The following MYO10 variants were observed in gnomAD, a reference collection of about 807,000 sequenced individuals.
MYO10 encodes the protein myosin X, also known as unconventional myosin-X.
MYO10 carries 133 observed loss-of-function variants against 257.3 expected under a neutral mutation model. The ratio of observed to expected loss-of-function variants is 0.52; its 90% CI spans 0.45 to 0.60. MYO10 has a LOEUF of 0.60. Ranked by LOEUF, MYO10 falls within the 20% of genes least tolerant of loss-of-function variation. MYO10 has a pLI of 0.00. For synonymous variants in MYO10, 1,104 were observed against 1,028.6 expected, an observed-to-expected ratio of 1.07 and a Z score of -1.40; for missense variants, 2,399 against 2,635.7, an observed-to-expected ratio of 0.91 and a Z score of 1.97.
At chr5:16,791,237 C>G (rs1741747445) in intron 4 of MYO10, among the ~76,000 whole-genome samples, 2 of 152,120 alleles carry the variant, frequency 1.3e-5, no homozygotes, top group South Asian at 4.1e-4. Context: ...GCAGATCATG[C>G]CCAAGGAAAT....
At chr5:16,748,379 G>A (rs1740274234) in intron 19 of MYO10, among the ~76,000 whole-genome samples, 1 of 152,100 alleles carries the variant, frequency 6.6e-6, no homozygotes, top group African/African-American at 2.4e-5. Context: ...CAAGTAGCTG[G>A]GGTTACAGGT....
intron 19 of MYO10, among the ~76,000 whole-genome samples, chr5:16,736,604 A>C (rs1331764126): frequency 6.6e-6 from 1 of 152,210 alleles, no homozygotes; most frequent in Non-Finnish European, 1.5e-5. Flanking sequence ...CTCTGATTAA[A>C]AGCCTCTAAG....
chr5:16,753,675 T>C (rs1740448207), intron 19 of MYO10, among the ~76,000 whole-genome samples: 1 of 150,066 alleles, frequency 6.7e-6, no homozygotes. Context: ...TTCACCATGT[T>C]GGCCAGGCTG....
intron 1 of MYO10, chr5:16,902,632 T>C (rs1745414736): frequency 1.4e-6 from 2 of 1,467,820 alleles, no homozygotes; most frequent in Non-Finnish European, 1.9e-6. Flanking sequence ...TTCCTTCTTT[T>C]CTTTGTCATC....
intron 1 of MYO10, among the ~76,000 whole-genome samples, chr5:16,914,179 C>T (rs1458103152): frequency 6.6e-6 from 1 of 152,158 alleles, no homozygotes; most frequent in African/African-American, 2.4e-5. Context: ...ACAGTACCTA[C>T]GGGAAGCTGG....
At chr5:16,784,179 C>G (rs1741505645) in intron 4 of MYO10, among the ~76,000 whole-genome samples, 1 of 152,148 alleles carries the variant, frequency 6.6e-6, no homozygotes, top group African/African-American at 2.4e-5. Context: ...ATGAGTCAGG[C>G]CAAGAAAGCA....
intron 15 of MYO10, 99 bp from the exon 16 acceptor site, chr5:16,762,212 A>G: frequency 7.2e-7 from 1 of 1,383,108 alleles, no homozygotes. Context: ...AAAGACAGTG[A>G]AAATCATTTC....
At chr5:16,826,906 T>C (rs990661998) in intron 2 of MYO10, among the ~76,000 whole-genome samples, 1 of 152,228 alleles carries the variant, frequency 6.6e-6, no homozygotes, top group East Asian at 1.9e-4. Context: ...AACGAGCTTA[T>C]GTTCAGCTTC....
In MYO10 at chr5:16,699,536, T is replaced by C. The variant is rs1737927166; in HGVS notation, c.3470A>G (p.Asp1157Gly). ...CCGGTATGAAAGCTCATCATCTGTATCAAACCTGGAATCAAAGTCCTCTTC... is the reference window on the plus strand; with the variant it reads ...CCGGTATGAAAGCTCATCATCTGTACCAAACCTGGAATCAAAGTCCTCTTC... ...DSEEDFDSRF[D>G]TDDELSYRRD... The change falls in exon 26 of 41, where the codon GAT becomes GGT. Residue 1157 changes from aspartate (D) to glycine (G), a missense_variant. Asp to Gly is a moderately conservative substitution (Grantham distance 94). Around this residue, in one of 3 missense-constraint regions of MYO10, gnomAD observed 1,820 missense variants for 1,939.4 expected, o/e 0.94. Transcript: ENST00000513610. The C allele has an allele frequency of 1.2e-6, 2 of 1,613,286 alleles. No homozygotes were observed. The highest frequency in any genetic ancestry group is 2.2e-5 in the East Asian group (1 of 44,868).
intron 2 of MYO10, among the ~76,000 whole-genome samples, chr5:16,868,292 G>C (rs1744343314): frequency 6.6e-6 from 1 of 152,192 alleles, no homozygotes; most frequent in Non-Finnish European, 1.5e-5. Context: ...ATCACCTGCA[G>C]AACCATGGTG....
rs1736013366 is a variant in MYO10, at chr5:16,662,316, A to ATTTTTTTTTTTTTTTTTTTTGTT, written c.*4375_*4376insAACAAAAAAAAAAAAAAAAAAAA. ...AAGTGCTGTCTTAGATTTCTGAACT[A>ATTTTTTTTTTTTTTTTTTTTGTT]TTTTTTTTTTTTTTTTTTTTTTTTG... On this transcript the variant is annotated 3_prime_UTR_variant, in exon 41 of 41. Transcript: ENST00000513610. 1.3e-5 allele frequency: 1 copy of ATTTTTTTTTTTTTTTTTTTTGTT among 75,816 alleles called. No individual in the cohort carries two copies. The highest frequency in any genetic ancestry group is 2.4e-5 in the Non-Finnish European group (1 of 42,540). 4.7% of individuals were successfully genotyped at this position (75,816 alleles called of 1,614,324 possible). A position where few individuals can be genotyped will look rare whatever the true frequency, so the allele number is the denominator to read the frequency against.
chr5:16,883,246 C>T (rs1056371586), intron 1 of MYO10, among the ~76,000 whole-genome samples: 2 of 152,114 alleles, frequency 1.3e-5, no homozygotes, highest in Non-Finnish European at 2.9e-5. Flanking sequence ...TCCCAGCCTA[C>T]GTATTTCTCA....
chr5:16,792,212 A>G (rs949568715), intron 4 of MYO10, among the ~76,000 whole-genome samples: 1 of 149,546 alleles, frequency 6.7e-6, no homozygotes, highest in African/African-American at 2.4e-5. Flanking sequence ...AGCTGTTCAT[A>G]TACATGTAAT....
intron 9 of MYO10, among the ~76,000 whole-genome samples, chr5:16,774,902 G>A (rs1316057126): frequency 2.0e-5 from 3 of 152,110 alleles, no homozygotes; most frequent in East Asian, 3.9e-4. Context: ...ATGAATTCAC[G>A]CATGCGTACA....
intron 33 of MYO10, 91 bp downstream of exon 33, chr5:16,679,856 A>G (rs1736905798): frequency 2.0e-6 from 3 of 1,471,470 alleles, no homozygotes; most frequent in Non-Finnish European, 2.7e-6. Flanking sequence ...CAGAAAAAAA[A>G]CTGAGCTTCA....
intron 26 of MYO10, among the ~76,000 whole-genome samples, chr5:16,696,085 G>T (rs1023620368): frequency 2.0e-4 from 30 of 152,336 alleles, no homozygotes; most frequent in Non-Finnish European, 4.1e-4. Flanking sequence ...AAATGATAAA[G>T]CTTATTCACA....
rs1268148724 is a variant in MYO10, at chr5:16,672,951, TG to T, written c.5173-127del. 6.0e-5 allele frequency: 64 copies of T among 1,069,780 alleles called. No individual in the cohort carries two copies. The Admixed American group carries it at 7.5e-4, about 13-fold the overall frequency. 66.3% of individuals were successfully genotyped at this position (1,069,780 alleles called of 1,614,324 possible). A position where few individuals can be genotyped will look rare whatever the true frequency, so the allele number is the denominator to read the frequency against. ...AAGGGCGTCTCCAGCCTCCTAAAAA[TG>T]TTACCCGTGTGGTCATCCCAGAATT... On this transcript the variant is annotated intron_variant, in intron 36 of 40. Transcript: ENST00000513610.
At position 16,683,990 on chromosome 5, in the gene MYO10, A is replaced by T. The variant is rs1216229831; in HGVS notation, c.3991-55T>A. The T allele has an allele frequency of 7.3e-6, 11 of 1,515,836 alleles. No homozygotes were observed. In the South Asian group the frequency reaches 1.2e-4, roughly 16 times the overall value. 93.9% of individuals were successfully genotyped at this position (1,515,836 alleles called of 1,614,324 possible). ...AGAGAAGCACTAAAGTAGGGTGCAC[A>T]CTACAGTAATACCTCTAGCCCACAA... On this transcript the variant is annotated intron_variant, in intron 29 of 40. Transcript: ENST00000513610.
At chr5:16,671,057 T>G in intron 38 of MYO10, 79 bp from the exon 39 acceptor site, 1 of 1,266,334 alleles carries the variant, frequency 7.9e-7, no homozygotes, top group Non-Finnish European at 1.1e-6. Context: ...CTCCCTCACT[T>G]CATGAGGGTT....
Sources: gnomAD v4.1 joint callset for allele counts (sites outside exome capture counted in the v4.1 genomes callset) on GRCh38, gnomAD v4.1.1 for gene constraint, gnomAD v4.1.1 regional missense constraint, MANE v1.5 for transcripts, NCBI Gene and HGNC (gene_info 2026-07-23, HGNC 2026-07-21) for gene names.